Variants in FGF14 observed in about 807,000 individuals in gnomAD.
FGF14 encodes fibroblast growth factor 14, also known as fibroblast growth factor homologous factor 4.
In FGF14, 5 loss-of-function variants were observed where a neutral mutation model predicts 25.5. The observed-to-expected ratio is 0.20, with a 90% CI of 0.10 to 0.41. The LOEUF (loss-of-function observed/expected upper bound fraction) is 0.41. Ranked by LOEUF, FGF14 falls within the 10% of genes least tolerant of loss-of-function variation. The pLI, the probability that FGF14 is intolerant of heterozygous loss-of-function variation, is 1.00. For synonymous variants in FGF14, 138 were observed against 118.3 expected, an observed-to-expected ratio of 1.17 and a Z score of -1.08; for missense variants, 222 against 320.1, an observed-to-expected ratio of 0.69 and a Z score of 2.34.
chr13:102,083,195 A>G (rs2043721849), intron 1 of FGF14, among the ~76,000 whole-genome samples: 2 of 152,062 alleles, frequency 1.3e-5, no homozygotes, highest in Non-Finnish European at 2.9e-5. Context: ...CATGACCACC[A>G]TTGCTATCAC....
At position 101,719,162 on chromosome 13, in the gene FGF14, A is replaced by T. The variant is rs930103570; in HGVS notation, c.*3669T>A. ...ATATTAGGGAGATAATTTTAAATGA[A>T]GTGATACGTGTCTAACTTACTTAAA... On this transcript the variant is annotated 3_prime_UTR_variant, in exon 5 of 5. Coordinates refer to ENST00000376143, the MANE Select transcript of FGF14 (RefSeq NM_004115.4). 3.3e-5 allele frequency: 5 copies of T among 152,174 alleles called. No individual in the cohort carries two copies. The highest frequency in any genetic ancestry group is 1.2e-4 in the African/African-American group (5 of 41,452). 9.4% of individuals were successfully genotyped at this position (152,174 alleles called of 1,614,324 possible). A position where few individuals can be genotyped will look rare whatever the true frequency, so the allele number is the denominator to read the frequency against.
chr13:102,156,505 A>C (rs1309187737), intron 1 of FGF14, among the ~76,000 whole-genome samples: 1 of 152,186 alleles, frequency 6.6e-6, no homozygotes, highest in African/African-American at 2.4e-5. Flanking sequence ...TTGATGGGAC[A>C]TATCTCAAAA....
intron 3 of FGF14, among the ~76,000 whole-genome samples, chr13:101,817,480 G>C (rs1211526928): frequency 1.3e-5 from 2 of 152,124 alleles, no homozygotes; most frequent in Non-Finnish European, 2.9e-5. Context: ...GCAAAGCACA[G>C]TCAAATTGCA....
chr13:102,296,457 C>G (rs922614410), intron 1 of FGF14, among the ~76,000 whole-genome samples: 2 of 152,154 alleles, frequency 1.3e-5, no homozygotes, highest in Admixed American at 1.3e-4. Context: ...ATGGACACTT[C>G]ATTGGCCTTG....
rs1244990034 is a variant in FGF14 at position 102,074,602 on chromosome 13, C to T, written c.209-199306G>A. 4.6e-5 allele frequency among the ~76,000 whole-genome samples: 7 copies of T among 152,100 alleles called. No individual in the cohort carries two copies. The East Asian group carries it at 1.3e-3, about 29-fold the overall frequency. On this transcript the variant is annotated intron_variant, in intron 1 of 4. Transcript: ENST00000376131. ...AACATTTTATGAGGCCAACATTACCCTGATATAAAAGCTAGAAAACGACAC... is the reference window on the plus strand; with the variant it reads ...AACATTTTATGAGGCCAACATTACCTTGATATAAAAGCTAGAAAACGACAC...
chr13:102,098,253 CTTTT>C, intron 1 of FGF14, among the ~76,000 whole-genome samples: 1 of 152,250 alleles, frequency 6.6e-6, no homozygotes, highest in East Asian at 1.9e-4. Context: ...CAGTAGTTTG[CTTTT>C]TTATTTAGCA....
upstream of FGF14, among the ~76,000 whole-genome samples, chr13:101,920,746 T>C (rs1177665820): frequency 6.6e-6 from 1 of 152,192 alleles, no homozygotes; most frequent in Non-Finnish European, 1.5e-5. Context: ...TTATTTTAAA[T>C]TTTGACGAAA....
At chr13:102,127,195 A>T (rs756709441) in intron 1 of FGF14, among the ~76,000 whole-genome samples, 1 of 152,112 alleles carries the variant, frequency 6.6e-6, no homozygotes, top group Admixed American at 6.5e-5. Context: ...CATTTGTCTC[A>T]TAAGTAAAAA....
intron 1 of FGF14, among the ~76,000 whole-genome samples, chr13:102,324,196 C>A (rs1026275936): frequency 6.6e-6 from 1 of 151,996 alleles, no homozygotes; most frequent in Non-Finnish European, 1.5e-5. Flanking sequence ...TGGAAAGAAG[C>A]GGCTGTGGGC....
In FGF14 at chr13:101,712,619, A is replaced by G. The variant is rs1013585681; in HGVS notation, c.*10212T>C. 6 of 152,234 alleles carry G rather than the reference A, an allele frequency of 3.9e-5. No individual in the cohort carries two copies. Among genetic ancestry groups the G allele is most frequent in the Admixed American group, 1.3e-4 (2 of 15,282 alleles). 9.4% of individuals were successfully genotyped at this position (152,234 alleles called of 1,614,324 possible). A position where few individuals can be genotyped will look rare whatever the true frequency, so the allele number is the denominator to read the frequency against. The stretch of plus-strand genomic sequence containing the variant: ...CAACTAAAGACAGCCAAATACTTCA[A>G]ATAACTAATTTTCCTTCACTCATGG... On this transcript the variant is annotated 3_prime_UTR_variant, in exon 5 of 5. Transcript: ENST00000376143.
At chr13:102,203,113 T>C (rs961386105) in intron 1 of FGF14, among the ~76,000 whole-genome samples, 15 of 147,560 alleles carry the variant, frequency 1.0e-4, no homozygotes, top group Admixed American at 1.0e-3. Flanking sequence ...CAGGGCAAAT[T>C]CTACTCCAGT....
intron 3 of FGF14, among the ~76,000 whole-genome samples, chr13:101,797,135 G>A (rs1179732776): frequency 6.6e-6 from 1 of 152,056 alleles, no homozygotes; most frequent in Non-Finnish European, 1.5e-5. Context: ...CAGTGTGTGT[G>A]CAAACACAGT....
intron 1 of FGF14, among the ~76,000 whole-genome samples, chr13:102,298,668 C>G (rs1010523015): frequency 2.0e-5 from 3 of 152,028 alleles, no homozygotes; most frequent in African/African-American, 7.2e-5. Context: ...ACTCTAGACA[C>G]AAGGGTGATT....
At chr13:101,980,992 A>AC (rs2038213840) in intron 1 of FGF14, among the ~76,000 whole-genome samples, 1 of 151,738 alleles carries the variant, frequency 6.6e-6, no homozygotes, top group Non-Finnish European at 1.5e-5. Context: ...CTGTAATCCT[A>AC]AGACTTTGGG....
At chr13:102,069,254 T>C (rs1282016589) in intron 1 of FGF14, among the ~76,000 whole-genome samples, 1 of 152,148 alleles carries the variant, frequency 6.6e-6, no homozygotes, top group Non-Finnish European at 1.5e-5. Flanking sequence ...GTCAAAACTC[T>C]GTATCTAACT....
intron 1 of FGF14, among the ~76,000 whole-genome samples, chr13:102,245,736 G>A (rs973713946): frequency 3.9e-5 from 6 of 152,152 alleles, no homozygotes; most frequent in Admixed American, 6.6e-5. Flanking sequence ...AGCACACTGC[G>A]TGTGTTGAGG....
At chr13:101,833,929 T>C (rs953806044) in intron 3 of FGF14, among the ~76,000 whole-genome samples, 5 of 152,082 alleles carry the variant, frequency 3.3e-5, no homozygotes, top group Non-Finnish European at 7.4e-5. Flanking sequence ...CTGACACAAA[T>C]ATCTGAAATG....
intron 1 of FGF14, among the ~76,000 whole-genome samples, chr13:101,954,210 T>A (rs190775722): frequency 7.3e-4 from 110 of 151,676 alleles, no homozygotes; most frequent in Non-Finnish European, 9.3e-4. Flanking sequence ...GACTCAACTC[T>A]GTAACGTCAA....
intron 2 of FGF14, among the ~76,000 whole-genome samples, chr13:101,873,319 C>T (rs1045178333): frequency 6.6e-6 from 1 of 152,102 alleles, no homozygotes; most frequent in Non-Finnish European, 1.5e-5. Context: ...AGAAAAAACA[C>T]ATAAAACCTT....
Sources: gnomAD v4.1 joint callset for allele counts (sites outside exome capture counted in the v4.1 genomes callset) on GRCh38, gnomAD v4.1.1 for gene constraint, MANE v1.5 for transcripts, NCBI Gene and HGNC (gene_info 2026-07-23, HGNC 2026-07-21) for gene names.